The following SLITRK3 variants were observed in gnomAD, a reference collection of about 807,000 sequenced individuals.
SLITRK3 encodes the protein SLIT and NTRK like family member 3.
In SLITRK3, 16 loss-of-function variants were observed where a neutral mutation model predicts 63.6. That is an observed-to-expected ratio of 0.25 (90% CI 0.17 to 0.38). SLITRK3 has a LOEUF of 0.38. SLITRK3 is among the 10% of genes least tolerant of loss of function. The pLI, the probability that SLITRK3 is intolerant of heterozygous loss-of-function variation, is 1.00. For synonymous variants in SLITRK3, 547 were observed against 451.6 expected (o/e 1.21, Z -2.68); for missense variants, 1,117 against 1,181.4 (o/e 0.95, Z 0.80).
At chr3:165,195,341 G>A (rs1718379390) in intron 1 of SLITRK3, among the ~76,000 whole-genome samples, 1 of 152,120 alleles carries the variant, frequency 6.6e-6, no homozygotes, top group Non-Finnish European at 1.5e-5. Context: ...ATTTGTTGGA[G>A]TTACTTACGA....
At chr3:165,192,294 C>A (rs1474811160) in intron 1 of SLITRK3, among the ~76,000 whole-genome samples, 4 of 152,110 alleles carry the variant, frequency 2.6e-5, no homozygotes, top group Non-Finnish European at 5.9e-5. Flanking sequence ...CTGCCTCAGA[C>A]ATGCAATACT....
rs575749209 is a variant in SLITRK3, at chr3:165,192,203, G to T, written c.-21-1352C>A. The stretch of plus-strand genomic sequence containing the variant: ...GATATAATTTATAGGAAAAGTGAAA[G>T]AAATAAATCTTCACATTACACTCGC... On this transcript the variant is annotated intron_variant, in intron 1 of 1. Coordinates refer to ENST00000475390, the MANE Select transcript of SLITRK3 (RefSeq NM_001318810.2). 2.7e-4 allele frequency among the ~76,000 whole-genome samples: 32 copies of T among 118,464 alleles called. No individual in the cohort carries two copies. In the South Asian group the frequency reaches 7.8e-3, roughly 29 times the overall value. The allele number at this position is 118,464 out of a possible 152,430, so 77.7% of individuals were successfully genotyped here. A position where few individuals can be genotyped will look rare whatever the true frequency, so the allele number is the denominator to read the frequency against.
In SLITRK3 at chr3:165,190,120, T is replaced by G. The variant is rs1444889372; in HGVS notation, c.711A>C (p.Thr237=). ...AACTCTTCAGTTGTACAATTTCACATGTACAGTTCCAAGGGTTTTCTTCCA... is the reference window on the plus strand; with the variant it reads ...AACTCTTCAGTTGTACAATTTCACAGGTACAGTTCCAAGGGTTTTCTTCCA... The part of the protein sequence containing the change: ...LQLEENPWNC[T]CEIVQLKSWL... The change falls in exon 2 of 2, where the codon ACA becomes ACC. Residue 237 remains threonine (T), a synonymous_variant. Transcript: ENST00000475390. The G allele has an allele frequency of 1.2e-6, 2 of 1,614,058 alleles. No homozygotes were observed. Among genetic ancestry groups the G allele is most frequent in the Admixed American group, 1.7e-5 (1 of 60,004 alleles).
In SLITRK3 at chr3:165,188,915, G is replaced by A. The variant is rs377385209; in HGVS notation, c.1916C>T (p.Ala639Val). The change falls in exon 2 of 2, where the codon GCA becomes GTA. Residue 639 changes from alanine (A) to valine (V), a missense_variant. By Grantham distance (64) the Ala-to-Val change is moderately conservative. Coordinates refer to ENST00000475390, the MANE Select transcript of SLITRK3 (RefSeq NM_001318810.2). ...DSHLIGAPTS[A>V]SPYEFSPPGG... The stretch of plus-strand genomic sequence containing the variant: ...AGGAGGAGAAAACTCATAAGGTGAT[G>A]CACTGGTTGGTGCCCCAATAAGGTG... The A allele has an allele frequency of 1.9e-6, 3 of 1,614,142 alleles. No individual in the cohort carries two copies. The highest frequency in any genetic ancestry group is 2.5e-6 in the Non-Finnish European group (3 of 1,179,996).
In SLITRK3 at chr3:165,190,795, T is replaced by C; in HGVS notation, c.36A>G (p.Gly12=). Residue 12 remains glycine (G), a synonymous_variant, in exon 2 of 2, where the codon GGA becomes GGG. Transcript: ENST00000475390. Reference sequence around the variant, plus strand: ...TTAGAAGAATTATCCACAACATCCTTCCTCTGTGAAGCATCTCAGCTATGG... The same window carrying C: ...TTAGAAGAATTATCCACAACATCCTCCCTCTGTGAAGCATCTCAGCTATGG... ...KPSIAEMLHR[G]RMLWIILLST... 1.2e-6 allele frequency: 2 copies of C among 1,606,342 alleles called. No individual in the cohort carries two copies. The highest frequency in any genetic ancestry group is 1.7e-6 in the Non-Finnish European group (2 of 1,176,148).
chr3:165,194,397 A>C (rs1289897085), intron 1 of SLITRK3, among the ~76,000 whole-genome samples: 1 of 152,148 alleles, frequency 6.6e-6, no homozygotes, highest in Non-Finnish European at 1.5e-5. Context: ...ATTTAAAATG[A>C]CCGCACAGGA....
At position 165,192,747 on chromosome 3, in the gene SLITRK3, A is replaced by G. The variant is rs919387685; in HGVS notation, c.-21-1896T>C. Reference sequence around the variant, plus strand: ...TGCTGGGAATGCAATGGGCTCTTCAATGGGCTTCTTTAGGATGCAGAACTG... The same window carrying G: ...TGCTGGGAATGCAATGGGCTCTTCAGTGGGCTTCTTTAGGATGCAGAACTG... On this transcript the variant is annotated intron_variant, in intron 1 of 1. Transcript: ENST00000475390. Among the ~76,000 whole-genome samples the G allele has an allele frequency of 2.7e-5, 4 of 150,926 alleles. No individual in the cohort carries two copies. In the East Asian group the frequency reaches 5.9e-4, roughly 22 times the overall value.
Position 165,188,906 on chromosome 3 carries a change from T to G in SLITRK3, c.1925A>C (p.Tyr642Ser). Residue 642 changes from tyrosine to serine, a missense_variant, in exon 2 of 2, where the codon TAT (tyrosine) becomes TCT (serine). Around this residue, in one of 4 missense-constraint regions of SLITRK3, gnomAD observed 499 missense variants for 463.6 expected, o/e 1.08. Transcript: ENST00000475390. ...LIGAPTSASP[Y>S]EFSPPGGPVP... Reference sequence around the variant, plus strand: ...AGGGCCCCCAGGAGGAGAAAACTCATAAGGTGATGCACTGGTTGGTGCCCC... The same window carrying G: ...AGGGCCCCCAGGAGGAGAAAACTCAGAAGGTGATGCACTGGTTGGTGCCCC... 2 of 1,614,086 alleles carry G rather than the reference T, an allele frequency of 1.2e-6. No homozygotes were observed. The highest frequency in any genetic ancestry group is 1.7e-6 in the Non-Finnish European group (2 of 1,179,996).
rs367841040 is a variant in SLITRK3, at chr3:165,187,968, C to T, written c.2863G>A (p.Glu955Lys). 3.7e-6 allele frequency: 6 copies of T among 1,613,758 alleles called. No homozygotes were observed. The highest frequency in any genetic ancestry group is 1.3e-5 in the African/African-American group (1 of 74,808). Residue 955 changes from glutamate to lysine, a missense_variant, in exon 2 of 2, where the codon GAG becomes AAG. By Grantham distance (56) the Glu-to-Lys change is moderately conservative. Transcript: ENST00000475390. ...TTGGTTTGAAGTTTGGCCCTTAACT[C>T]GAGGTAATCACTTTTTTGGGTTTGG... ...DHQTQKSDYLELRAKLQTKPD... is the reference protein window; with the variant it reads ...DHQTQKSDYLKLRAKLQTKPD...
Position 165,193,108 on chromosome 3 carries a change from T to TGA in SLITRK3, c.-21-2258_-21-2257insTC, listed in dbSNP as rs1253657037. ...ACCCCTGACTATACAGTTGAGTGAG[T>TGA]GTGTGTGTGTGTGTGTGTGTGTGTG... On this transcript the variant is annotated intron_variant, in intron 1 of 1. Coordinates refer to ENST00000475390, the MANE Select transcript of SLITRK3 (RefSeq NM_001318810.2). Among the ~76,000 whole-genome samples the TGA allele has an allele frequency of 8.2e-3, 360 of 43,814 alleles. 2 individuals carry two copies. The highest frequency in any genetic ancestry group is 0.019 in the African/African-American group (349 of 17,950). 28.7% of individuals were successfully genotyped at this position (43,814 alleles called of 152,430 possible).
chr3:165,189,985 G>C lies in SLITRK3; in HGVS notation c.846C>G (p.Pro282=), dbSNP rs750843708. Residue 282 remains proline, a synonymous_variant, in exon 2 of 2, where the codon CCC becomes CCG. Coordinates refer to ENST00000475390, the MANE Select transcript of SLITRK3 (RefSeq NM_001318810.2). The surrounding 1 kb of genome is among the most constrained non-coding windows in gnomAD (Gnocchi z 4.0). The part of the protein sequence containing the change: ...LREIRKTELC[P]LLSDSEVEAS... ...CCTCTACCTCAGAGTCAGACAACAAGGGACAGAGTTCTGTCTTCCTGATTT... is the reference window on the plus strand; with the variant it reads ...CCTCTACCTCAGAGTCAGACAACAACGGACAGAGTTCTGTCTTCCTGATTT... 2 of 1,614,152 alleles carry C rather than the reference G, an allele frequency of 1.2e-6. No homozygotes were observed. Among genetic ancestry groups the C allele is most frequent in the East Asian group, 4.5e-5 (2 of 44,870 alleles).
At position 165,190,393 on chromosome 3, in the gene SLITRK3, A is replaced by C; in HGVS notation, c.438T>G (p.Leu146=). ...KLDVFRNDTF[L]GLESLEYLQA... ...GCAGATATTCTAGACTTTCCAAGCC[A>C]AGGAAGGTGTCATTTCTGAAGACAT... Residue 146 remains leucine (L), a synonymous_variant, in exon 2 of 2, where the codon CTT becomes CTG. Coordinates refer to ENST00000475390, the MANE Select transcript of SLITRK3 (RefSeq NM_001318810.2). 6.2e-7 allele frequency: 1 copy of C among 1,614,068 alleles called. No homozygotes were observed. The highest frequency in any genetic ancestry group is 1.6e-4 in the Middle Eastern group (1 of 6,062).
intron 1 of SLITRK3, among the ~76,000 whole-genome samples, chr3:165,194,469 G>C (rs1197843075): frequency 6.6e-6 from 1 of 152,014 alleles, no homozygotes; most frequent in Non-Finnish European, 1.5e-5. Flanking sequence ...TAAGCAGGAG[G>C]GCAGAATTTT....
Position 165,188,917 on chromosome 3 carries a change from A to G in SLITRK3, c.1914T>C (p.Ser638=), listed in dbSNP as rs1439276042. ...GAGGAGAAAACTCATAAGGTGATGC[A>G]CTGGTTGGTGCCCCAATAAGGTGAG... ...GDSHLIGAPT[S]ASPYEFSPPG... The change falls in exon 2 of 2, where the codon AGT becomes AGC. Residue 638 remains serine (S), a synonymous_variant. Coordinates refer to ENST00000475390, the MANE Select transcript of SLITRK3 (RefSeq NM_001318810.2). 5 of 1,614,132 alleles carry G rather than the reference A, an allele frequency of 3.1e-6. No individual in the cohort carries two copies. Among genetic ancestry groups the G allele is most frequent in the South Asian group, 1.1e-5 (1 of 91,072 alleles).
At chr3:165,192,607 TTC>T (rs1268775470) in intron 1 of SLITRK3, among the ~76,000 whole-genome samples, 1 of 151,240 alleles carries the variant, frequency 6.6e-6, no homozygotes, top group East Asian at 1.9e-4. Context: ...AGTTTAAGGA[TTC>T]TCTCTCTTTC....
chr3:165,187,927 T>G lies in SLITRK3; in HGVS notation c.2904A>C (p.Glu968Asp). Residue 968 changes from glutamate to aspartate, a missense_variant, in exon 2 of 2, where the codon GAA becomes GAC. Coordinates refer to ENST00000475390, the MANE Select transcript of SLITRK3 (RefSeq NM_001318810.2). ...ACCTGTATGTTGTCTTCTCCAGGACTTCGAGGTAATCCGGCTTGGTTTGAA... is the reference window on the plus strand; with the variant it reads ...ACCTGTATGTTGTCTTCTCCAGGACGTCGAGGTAATCCGGCTTGGTTTGAA... The part of the protein sequence containing the change: ...AKLQTKPDYL[E>D]VLEKTTYRF The G allele has an allele frequency of 6.2e-7, 1 of 1,613,914 alleles. No individual in the cohort carries two copies. The highest frequency in any genetic ancestry group is 1.3e-5 in the African/African-American group (1 of 74,994).
intron 1 of SLITRK3, among the ~76,000 whole-genome samples, chr3:165,192,671 G>A (rs1467600997): frequency 1.3e-5 from 2 of 150,704 alleles, no homozygotes; most frequent in Non-Finnish European, 2.9e-5. Context: ...GATAAAGGGG[G>A]TTGGGCGGGG....
At chr3:165,193,758 G>A (rs1718324469) in intron 1 of SLITRK3, among the ~76,000 whole-genome samples, 2 of 152,216 alleles carry the variant, frequency 1.3e-5, no homozygotes, top group South Asian at 2.1e-4. Context: ...GCGCCACCGG[G>A]AAAGACCTCG....
chr3:165,187,860 G>T lies in SLITRK3; in HGVS notation c.*37C>A. On this transcript the variant is annotated 3_prime_UTR_variant, in exon 2 of 2. Coordinates refer to ENST00000475390, the MANE Select transcript of SLITRK3 (RefSeq NM_001318810.2). The stretch of plus-strand genomic sequence containing the variant: ...ATTTCTTTTATTTTCCTTTTCTTTT[G>T]AAAAAAAAAAAGCACTAATATATTT... The T allele has an allele frequency of 8.4e-7, 1 of 1,189,602 alleles. No individual in the cohort carries two copies. The highest frequency in any genetic ancestry group is 1.7e-5 in the South Asian group (1 of 57,778). 73.7% of individuals were successfully genotyped at this position (1,189,602 alleles called of 1,614,324 possible). A position where few individuals can be genotyped will look rare whatever the true frequency, so the allele number is the denominator to read the frequency against.
Sources: allele counts gnomAD v4.1 joint callset (sites outside exome capture counted in the v4.1 genomes callset), GRCh38; gene constraint gnomAD v4.1.1; regional missense constraint gnomAD v4.1.1; non-coding constraint Gnocchi (gnomAD v3.1); transcripts MANE v1.5; gene names NCBI Gene and HGNC (gene_info 2026-07-23, HGNC 2026-07-21).